Variants in ANTXR2 observed in about 807,000 individuals in gnomAD.
ANTXR2 encodes the protein ANTXR cell adhesion molecule 2, also known as anthrax toxin receptor 2.
ANTXR2 carries 44 observed loss-of-function variants against 73.7 expected under a neutral mutation model. The observed-to-expected ratio is 0.60, with a 90% CI of 0.47 to 0.77. The LOEUF (loss-of-function observed/expected upper bound fraction) is 0.77, where lower values mean the gene tolerates loss of function less well. Among genes scored for constraint, ANTXR2 ranks in the 30% least tolerant of loss-of-function variants. The pLI is 0.00. For synonymous variants in ANTXR2, 217 were observed against 205.9 expected, an observed-to-expected ratio of 1.05 and a Z score of -0.46; for missense variants, 604 against 592.5, an observed-to-expected ratio of 1.02 and a Z score of -0.20.
At chr4:80,010,348 T>C (rs1004535583) in intron 11 of ANTXR2, among the ~76,000 whole-genome samples, 4 of 152,158 alleles carry the variant, frequency 2.6e-5, no homozygotes, top group African/African-American at 9.7e-5. Context: ...TATTGTCAAA[T>C]GTATAAATCT....
chr4:80,053,097 G>A (rs1733842105), intron 7 of ANTXR2, among the ~76,000 whole-genome samples: 1 of 151,482 alleles, frequency 6.6e-6, no homozygotes. Flanking sequence ...CCACTGATTT[G>A]TTTATTTAGA....
intron 16 of ANTXR2, among the ~76,000 whole-genome samples, chr4:79,954,113 ATACCACTTAT>A (rs1342563623): frequency 7.9e-5 from 12 of 152,322 alleles, no homozygotes; most frequent in Middle Eastern, 6.8e-3. Flanking sequence ...GTTAGAGTTA[ATACCACTTAT>A]TACCTACCTA....
Position 79,902,428 on chromosome 4 carries a change from A to C in ANTXR2, c.*5001T>G, listed in dbSNP as rs1309354306. 6.6e-6 allele frequency: 1 copy of C among 152,146 alleles called. No homozygotes were observed. Among genetic ancestry groups the C allele is most frequent in the Non-Finnish European group, 1.5e-5 (1 of 68,016 alleles). 9.4% of individuals were successfully genotyped at this position (152,146 alleles called of 1,614,324 possible). Reference sequence around the variant, plus strand: ...AAGACTTTTTTTCCAATTTTGACTAAAAAAAGAGGAGTTTAGTAATTTTTC... The same window carrying C: ...AAGACTTTTTTTCCAATTTTGACTACAAAAAGAGGAGTTTAGTAATTTTTC... On this transcript the variant is annotated 3_prime_UTR_variant, in exon 17 of 17. Transcript: ENST00000403729.
chr4:80,004,726 C>T (rs1252468003), intron 12 of ANTXR2, among the ~76,000 whole-genome samples: 1 of 152,032 alleles, frequency 6.6e-6, no homozygotes, highest in Non-Finnish European at 1.5e-5. Context: ...TCTGTAAAGT[C>T]CCTTTTGCTA....
chr4:80,068,137 T>G (rs189295653), intron 3 of ANTXR2, among the ~76,000 whole-genome samples: 57 of 152,340 alleles, frequency 3.7e-4, no homozygotes, highest in African/African-American at 1.3e-3. Flanking sequence ...ACGGATAATT[T>G]TCTAAATCAA....
intron 10 of ANTXR2, among the ~76,000 whole-genome samples, chr4:80,022,579 T>C (rs1311095432): frequency 6.6e-6 from 1 of 152,222 alleles, no homozygotes; most frequent in African/African-American, 2.4e-5. Context: ...TTCTGTCATA[T>C]TTTATGTCAT....
At chr4:80,053,480 C>T (rs947090573) in intron 7 of ANTXR2, among the ~76,000 whole-genome samples, 6 of 151,552 alleles carry the variant, frequency 4.0e-5, no homozygotes, top group African/African-American at 1.5e-4. Flanking sequence ...TTTAAAATCC[C>T]AGAACCAAAT....
chr4:80,072,160 C>T (rs1014658945), intron 1 of ANTXR2, among the ~76,000 whole-genome samples: 3 of 152,188 alleles, frequency 2.0e-5, no homozygotes, highest in African/African-American at 7.2e-5. Context: ...AAAAGACTGG[C>T]AAACAGTGAA....
At chr4:80,031,738 TCA>T (rs754527406) in intron 9 of ANTXR2, 46 bp from the exon 10 acceptor site, 1 of 1,138,702 alleles carries the variant, frequency 8.8e-7, no homozygotes, top group Non-Finnish European at 1.2e-6. Context: ...TTTATGCATC[TCA>T]CACAGTTTCA....
intron 12 of ANTXR2, among the ~76,000 whole-genome samples, chr4:79,993,376 A>C (rs1268448396): frequency 1.3e-5 from 2 of 151,640 alleles, no homozygotes; most frequent in African/African-American, 4.8e-5. Context: ...GGAGGAAGGG[A>C]AGGAAGGAGA....
rs544838048 is a variant in ANTXR2 at position 80,015,707 on chromosome 4, G to A, written c.945+3191C>T. On this transcript the variant is annotated intron_variant, in intron 11 of 16. Coordinates refer to ENST00000403729, the MANE Select transcript of ANTXR2 (RefSeq NM_058172.6). ...AAGTAACAGCATACAAGGAAAAAGA[G>A]AAAAGAAGAGAAGAAGCAGGAGGAG... Among the ~76,000 whole-genome samples the A allele has an allele frequency of 3.3e-5, 5 of 150,138 alleles. No homozygotes were observed. The East Asian group carries it at 9.8e-4, about 29-fold the overall frequency.
At chr4:79,980,966 T>C (rs1177587599) in intron 14 of ANTXR2, among the ~76,000 whole-genome samples, 3 of 147,168 alleles carry the variant, frequency 2.0e-5, no homozygotes, top group African/African-American at 7.6e-5. Flanking sequence ...CAGGTTTGAA[T>C]AAGCATGCTT....
intron 14 of ANTXR2, 149 bp from the exon 15 acceptor site, chr4:79,978,323 C>A: frequency 3.4e-6 from 2 of 596,372 alleles, no homozygotes; most frequent in South Asian, 5.6e-5. Flanking sequence ...TCTTCAGAGG[C>A]TAAATAGGTT....
chr4:79,933,888 C>A (rs6846911), intron 16 of ANTXR2, among the ~76,000 whole-genome samples: 83,050 of 151,288 alleles, frequency 0.55, 25,844 homozygotes, highest in East Asian at 0.96. Context: ...GCGCCCAACA[C>A]CACGCCCGGC....
intron 1 of ANTXR2, 62 bp downstream of exon 1, chr4:80,072,347 C>T: frequency 6.7e-7 from 1 of 1,484,534 alleles, no homozygotes; most frequent in Non-Finnish European, 9.0e-7. Flanking sequence ...ATCTCAGCCT[C>T]AGCCCCAGCT....
rs147572979 is a variant in ANTXR2 at position 80,060,219 on chromosome 4, G to A, written c.297-4206C>T. Among the ~76,000 whole-genome samples, 266 of 152,222 alleles carry A rather than the reference G, an allele frequency of 1.7e-3. 1 individual carries two copies. Among genetic ancestry groups the A allele is most frequent in the African/African-American group, 6.0e-3 (250 of 41,552 alleles). ...TGCACTGTGGTTCTCCACCCTGGCT[G>A]TACACTGGAATCATTTGAGGGGATT... On this transcript the variant is annotated intron_variant, in intron 3 of 16. Transcript: ENST00000403729.
chr4:79,914,884 C>T (rs917508194), intron 16 of ANTXR2, among the ~76,000 whole-genome samples: 1 of 152,164 alleles, frequency 6.6e-6, no homozygotes, highest in Admixed American at 6.6e-5. Context: ...CAATTCATCA[C>T]AAAGAGCACA....
At chr4:79,999,960 T>C (rs749887102) in intron 12 of ANTXR2, among the ~76,000 whole-genome samples, 5 of 152,042 alleles carry the variant, frequency 3.3e-5, no homozygotes, top group Non-Finnish European at 7.4e-5. Context: ...ATGGGATACA[T>C]GTGATTGCTA....
At chr4:79,996,427 T>C (rs919368879) in intron 12 of ANTXR2, among the ~76,000 whole-genome samples, 1 of 151,986 alleles carries the variant, frequency 6.6e-6, no homozygotes, top group Non-Finnish European at 1.5e-5. Context: ...TTAATAACTA[T>C]GTAAGATAGA....
Sources: allele counts gnomAD v4.1 joint callset (sites outside exome capture counted in the v4.1 genomes callset), GRCh38; gene constraint gnomAD v4.1.1; transcripts MANE v1.5; gene names NCBI Gene and HGNC (gene_info 2026-07-23, HGNC 2026-07-21).